PREP: variants seen among roughly 807,000 people sequenced by gnomAD.
PREP encodes prolyl endopeptidase.
PREP carries 29 observed loss-of-function variants against 87.6 expected under a neutral mutation model. The observed-to-expected ratio is 0.33, with a 90% confidence interval of 0.25 to 0.45. The LOEUF (loss-of-function observed/expected upper bound fraction) is 0.45. Ranked by LOEUF, PREP falls within the 20% of genes least tolerant of loss-of-function variation. The probability of loss-of-function intolerance (pLI) is 1.00; values close to 1 mark genes in which losing one functional copy is unlikely to be tolerated. For missense variants in PREP, 695 were observed against 886.5 expected (o/e 0.78, Z 2.74); for synonymous variants, 337 against 328.6 (o/e 1.03, Z -0.28).
At chr6:105,372,168 T>C (rs563723606) in intron 5 of PREP, among the ~76,000 whole-genome samples, 1 of 151,020 alleles carries the variant, frequency 6.6e-6, no homozygotes, top group Admixed American at 6.6e-5. Flanking sequence ...AGCCAAGAGA[T>C]GAAAAACACT....
intron 6 of PREP, among the ~76,000 whole-genome samples, chr6:105,359,863 T>C (rs896039586): frequency 1.8e-4 from 28 of 152,300 alleles, no homozygotes; most frequent in South Asian, 6.2e-4. Context: ...TCTGTGATGA[T>C]TGCATCACAG....
intron 8 of PREP, 129 bp from the exon 9 acceptor site, chr6:105,329,155 A>ATTT: frequency 1.8e-5 from 13 of 722,522 alleles, no homozygotes; most frequent in Admixed American, 2.8e-5. Context: ...TCACTTTTAC[A>ATTT]TTTTTTTTTT....
intron 10 of PREP, among the ~76,000 whole-genome samples, chr6:105,301,113 G>A (rs1464497677): frequency 6.6e-6 from 1 of 152,316 alleles, no homozygotes. Context: ...TCCCATTATC[G>A]CCAGTCATGA....
At chr6:105,343,719 C>T (rs1005594767) in intron 7 of PREP, among the ~76,000 whole-genome samples, 2 of 152,146 alleles carry the variant, frequency 1.3e-5, no homozygotes, top group Non-Finnish European at 2.9e-5. Context: ...AGGATATGAA[C>T]AGACACTTCT....
intron 7 of PREP, among the ~76,000 whole-genome samples, chr6:105,348,372 ACACGT>A (rs1436675465): frequency 2.0e-5 from 3 of 152,244 alleles, no homozygotes; most frequent in Non-Finnish European, 4.4e-5. Context: ...CCCTAAAGGG[ACACGT>A]CATTCGAGAC....
intron 4 of PREP, among the ~76,000 whole-genome samples, chr6:105,374,906 AAAG>A (rs1322768949): frequency 6.6e-5 from 10 of 151,998 alleles, no homozygotes; most frequent in Admixed American, 6.6e-5. Context: ...AACATTCCAT[AAAG>A]AAGTCACTAG....
chr6:105,386,513 C>A (rs917176284), intron 2 of PREP, among the ~76,000 whole-genome samples: 22 of 151,974 alleles, frequency 1.4e-4, no homozygotes, highest in Admixed American at 1.2e-3. Context: ...CTGGAAGAGT[C>A]CCAGAAATTT....
At position 105,373,287 on chromosome 6, in the gene PREP, T is replaced by C. The variant is rs144524745; in HGVS notation, c.595+82A>G. 1,086 of 1,433,256 alleles carry C rather than the reference T, an allele frequency of 7.6e-4. 5 individuals carry two copies. In the African/African-American group the frequency reaches 8.6e-3, roughly 11 times the overall value. 88.8% of individuals were successfully genotyped at this position (1,433,256 alleles called of 1,614,324 possible). On this transcript the variant is annotated intron_variant, in intron 5 of 14. Transcript: ENST00000652536. ...GGTTCTGGACCACACAACCTCTATG[T>C]AGGGTTCAGCATCTCTTTTCAGTCA...
intron 2 of PREP, among the ~76,000 whole-genome samples, chr6:105,383,644 C>G (rs199743155): frequency 6.6e-6 from 1 of 152,138 alleles, no homozygotes; most frequent in Non-Finnish European, 1.5e-5. Flanking sequence ...TTCTAGAAGC[C>G]TGTCAGGCCT....
Position 105,397,185 on chromosome 6 carries a change from C to CCAAAA in PREP, c.120+667_120+668insTTTTG, listed in dbSNP as rs775026045. Among the ~76,000 whole-genome samples the CCAAAA allele has an allele frequency of 5.5e-4, 48 of 86,858 alleles. 2 individuals are homozygous for CCAAAA. Among genetic ancestry groups the CCAAAA allele is most frequent in the Middle Eastern group, 7.5e-3 (1 of 134 alleles). 57.0% of individuals were successfully genotyped at this position (86,858 alleles called of 152,430 possible). ...GGGTGACAGAGTAAGACTCTGTCTACAAAAAAAAAAAAAAAAAGTATACAT... is the reference window on the plus strand; with the variant it reads ...GGGTGACAGAGTAAGACTCTGTCTACCAAAAAAAAAAAAAAAAAAAAAGTATACAT... On this transcript the variant is annotated intron_variant, in intron 2 of 14. Coordinates refer to ENST00000652536, the MANE Select transcript of PREP (RefSeq NM_002726.5).
chr6:105,379,756 CA>C (rs1243914886), intron 2 of PREP, among the ~76,000 whole-genome samples: 1 of 152,174 alleles, frequency 6.6e-6, no homozygotes, highest in Non-Finnish European at 1.5e-5. Flanking sequence ...TGTGTGTTTA[CA>C]CTGATCGTGG....
In PREP at chr6:105,355,551, A is replaced by T. The variant is rs1186518822; in HGVS notation, c.718-2474T>A. On this transcript the variant is annotated intron_variant, in intron 6 of 14. Transcript: ENST00000652536. Reference sequence around the variant, plus strand: ...GTATTTTGTTATCTTTGGCTTTCTGAACGTTGATTATTCTGTAACAGGCTT... The same window carrying T: ...GTATTTTGTTATCTTTGGCTTTCTGTACGTTGATTATTCTGTAACAGGCTT... Among the ~76,000 whole-genome samples the T allele has an allele frequency of 2.0e-5, 3 of 152,238 alleles. No homozygotes were observed. In the East Asian group the frequency reaches 5.8e-4, roughly 29 times the overall value.
chr6:105,387,471 T>C lies in PREP; in HGVS notation c.121-9952A>G, dbSNP rs146248331. Among the ~76,000 whole-genome samples, 7 of 152,262 alleles carry C rather than the reference T, an allele frequency of 4.6e-5. No individual in the cohort carries two copies. The South Asian group carries it at 1.2e-3, about 27-fold the overall frequency. ...TTTTCTAAAATGGAGCTTTCCCTGA[T>C]AGTGAACCAATGGGGCTGGAGTCTT... On this transcript the variant is annotated intron_variant, in intron 2 of 14. Coordinates refer to ENST00000652536, the MANE Select transcript of PREP (RefSeq NM_002726.5).
intron 6 of PREP, among the ~76,000 whole-genome samples, chr6:105,366,532 C>A (rs1048315491): frequency 6.6e-6 from 1 of 152,152 alleles, no homozygotes; most frequent in South Asian, 2.1e-4. Flanking sequence ...GTAGAAGGAT[C>A]ATCTGAACTA....
chr6:105,348,310 C>G (rs766210354), intron 7 of PREP, among the ~76,000 whole-genome samples: 2 of 152,124 alleles, frequency 1.3e-5, no homozygotes, highest in Non-Finnish European at 2.9e-5. Context: ...AAGGCAGTAA[C>G]CGTTACAGAG....
chr6:105,332,006 G>C (rs1415693053), intron 8 of PREP, among the ~76,000 whole-genome samples: 1 of 152,170 alleles, frequency 6.6e-6, no homozygotes, highest in Non-Finnish European at 1.5e-5. Context: ...AACTACTTCA[G>C]AGGAAGAGCC....
intron 2 of PREP, among the ~76,000 whole-genome samples, chr6:105,392,972 T>C (rs758975299): frequency 6.6e-6 from 1 of 152,236 alleles, no homozygotes; most frequent in Non-Finnish European, 1.5e-5. Flanking sequence ...CATGCGTCTC[T>C]AAGCAGTTAA....
chr6:105,336,601 T>G (rs751532701), intron 7 of PREP, among the ~76,000 whole-genome samples: 5 of 152,256 alleles, frequency 3.3e-5, no homozygotes, highest in Admixed American at 6.5e-5. Flanking sequence ...CTAGTGATGC[T>G]TTCTGCTTTA....
chr6:105,285,689 A>C, intron 11 of PREP, 109 bp from the exon 12 acceptor site: 1 of 802,522 alleles, frequency 1.2e-6, no homozygotes, highest in Non-Finnish European at 2.1e-6. Flanking sequence ...GAGTAATATC[A>C]TCTCAATAGG....
Sources: allele counts gnomAD v4.1 joint callset (sites outside exome capture counted in the v4.1 genomes callset), GRCh38; gene constraint gnomAD v4.1.1; transcripts MANE v1.5; gene names NCBI Gene and HGNC (gene_info 2026-07-23, HGNC 2026-07-21).